The following ARMH3 variants were observed in gnomAD, a reference collection of about 807,000 sequenced individuals.
ARMH3 encodes the protein armadillo like helical domain containing 3.
Under a neutral mutation model 99.1 loss-of-function variants are expected in ARMH3, and 60 were observed. The ratio of observed to expected loss-of-function variants is 0.61; its 90% CI spans 0.49 to 0.75. ARMH3 has a LOEUF of 0.75. Among genes scored for constraint, ARMH3 ranks in the 30% least tolerant of loss-of-function variants. ARMH3 has a pLI of 0.00. For synonymous variants in ARMH3, 285 were observed against 292.8 expected (o/e 0.97, Z 0.27); for missense variants, 679 against 843.1 (o/e 0.81, Z 2.41).
intron 20 of ARMH3, among the ~76,000 whole-genome samples, chr10:101,964,857 A>AG (rs1346103036): frequency 6.6e-6 from 1 of 151,810 alleles, no homozygotes; most frequent in Non-Finnish European, 1.5e-5. Context: ...AAAAAAAAAA[A>AG]AAAAAATTAG....
chr10:102,034,933 A>T (rs2067214602), intron 2 of ARMH3, among the ~76,000 whole-genome samples: 1 of 151,998 alleles, frequency 6.6e-6, no homozygotes, highest in South Asian at 2.1e-4. Context: ...ATAAATAAAA[A>T]ATAAAAATAA....
chr10:101,891,553 A>G, intron 23 of ARMH3, among the ~76,000 whole-genome samples: 1 of 152,188 alleles, frequency 6.6e-6, no homozygotes, highest in East Asian at 1.9e-4. Context: ...AATTGTCACA[A>G]ATCACTGGGG....
intron 24 of ARMH3, among the ~76,000 whole-genome samples, chr10:101,875,283 A>T (rs2067233717): frequency 1.3e-5 from 2 of 151,978 alleles, no homozygotes; most frequent in South Asian, 4.2e-4. Flanking sequence ...GAACTGTAAC[A>T]AAACCACAGA....
chr10:101,948,110 T>C (rs187594676), intron 22 of ARMH3, among the ~76,000 whole-genome samples: 32 of 152,262 alleles, frequency 2.1e-4, no homozygotes, highest in African/African-American at 7.2e-4. Context: ...ATTATCGCAT[T>C]GTAAATATGT....
intron 23 of ARMH3, among the ~76,000 whole-genome samples, chr10:101,923,430 T>C (rs1327756743): frequency 6.6e-6 from 1 of 152,202 alleles, no homozygotes; most frequent in Non-Finnish European, 1.5e-5. Flanking sequence ...TTATCACACC[T>C]TCTTTAAGAA....
chr10:102,041,090 A>AATATATATAT (rs59124276), intron 1 of ARMH3, among the ~76,000 whole-genome samples: 96 of 132,428 alleles, frequency 7.2e-4, no homozygotes, highest in East Asian at 1.0e-3. Flanking sequence ...ATATATATAT[A>AATATATATAT]ATATATATAT....
At chr10:101,932,846 T>C (rs1373208174) in intron 23 of ARMH3, among the ~76,000 whole-genome samples, 1 of 152,226 alleles carries the variant, frequency 6.6e-6, no homozygotes, top group Non-Finnish European at 1.5e-5. Context: ...TTGGTGATGG[T>C]TGTGCAACAA....
rs188074099 is a variant in ARMH3 at position 101,892,274 on chromosome 10, G to A, written c.1782-2784C>T. Among the ~76,000 whole-genome samples, 33 of 151,892 alleles carry A rather than the reference G, an allele frequency of 2.2e-4. 1 individual carries two copies. The highest frequency in any genetic ancestry group is 6.3e-4 in the African/African-American group (26 of 41,428). ...AGCCTGAGCAACATGGTGAGACCTT[G>A]TCTCTACAAAATAAAAATAATAATA... On this transcript the variant is annotated intron_variant, in intron 23 of 25. Transcript: ENST00000370033.
chr10:101,974,882 G>A (rs540349511), intron 20 of ARMH3, among the ~76,000 whole-genome samples: 3 of 151,650 alleles, frequency 2.0e-5, no homozygotes, highest in African/African-American at 4.8e-5. Context: ...AGTTTGTACC[G>A]ACTCCTCCTA....
intron 1 of ARMH3, among the ~76,000 whole-genome samples, chr10:102,050,538 T>C (rs2067675590): frequency 6.6e-6 from 1 of 152,052 alleles, no homozygotes; most frequent in East Asian, 1.9e-4. Flanking sequence ...CAAACTGACA[T>C]CCATAATATC....
chr10:101,987,975 T>A (rs1313497217), intron 19 of ARMH3, among the ~76,000 whole-genome samples: 1 of 152,244 alleles, frequency 6.6e-6, no homozygotes, highest in East Asian at 1.9e-4. Flanking sequence ...GTTAATGTGA[T>A]CCTCAAGTAT....
intron 19 of ARMH3, among the ~76,000 whole-genome samples, chr10:101,987,518 G>A (rs1305355195): frequency 6.6e-6 from 1 of 152,212 alleles, no homozygotes; most frequent in African/African-American, 2.4e-5. Flanking sequence ...CTTACTAGCT[G>A]TGCAACTGTG....
intron 20 of ARMH3, among the ~76,000 whole-genome samples, chr10:101,967,730 C>CA (rs1443241807): frequency 6.6e-6 from 1 of 152,126 alleles, no homozygotes; most frequent in Non-Finnish European, 1.5e-5. Flanking sequence ...GAGCAAGACT[C>CA]AGTCGTGGGG....
chr10:101,987,302 C>A (rs555029620), intron 19 of ARMH3, among the ~76,000 whole-genome samples: 1 of 152,160 alleles, frequency 6.6e-6, no homozygotes, highest in Non-Finnish European at 1.5e-5. Context: ...TGGTCCCCTA[C>A]GTGGTATGTC....
chr10:101,930,103 T>C (rs1425765810), intron 23 of ARMH3, among the ~76,000 whole-genome samples: 2 of 152,066 alleles, frequency 1.3e-5, no homozygotes, highest in Non-Finnish European at 2.9e-5. Context: ...TCCTGCAAAA[T>C]ATAAAAATTA....
intron 1 of ARMH3, among the ~76,000 whole-genome samples, chr10:102,044,071 C>T (rs1251804212): frequency 6.6e-6 from 1 of 150,934 alleles, no homozygotes; most frequent in Admixed American, 6.6e-5. Context: ...TGTGTGCCAC[C>T]ACACCCAGCT....
chr10:101,986,227 T>A (rs1846494470), intron 19 of ARMH3, among the ~76,000 whole-genome samples: 1 of 152,162 alleles, frequency 6.6e-6, no homozygotes. Flanking sequence ...TTTCTTCTGA[T>A]GCCTACCTAC....
rs572403139 is a variant in ARMH3 at position 101,847,444 on chromosome 10, G to A, written c.*84C>T. 4 of 1,383,536 alleles carry A rather than the reference G, an allele frequency of 2.9e-6. No individual in the cohort carries two copies. In the African/African-American group the frequency reaches 4.3e-5, roughly 15 times the overall value. 85.7% of individuals were successfully genotyped at this position (1,383,536 alleles called of 1,614,324 possible). Reference sequence around the variant, plus strand: ...TCTGTGTTTCTCTCCAACCTCGGGGGCAGCCCCCTCTCCCCTCGCTCCCCC... The same window carrying A: ...TCTGTGTTTCTCTCCAACCTCGGGGACAGCCCCCTCTCCCCTCGCTCCCCC... On this transcript the variant is annotated 3_prime_UTR_variant, in exon 26 of 26. Coordinates refer to ENST00000370033, the MANE Select transcript of ARMH3 (RefSeq NM_024541.3).
intron 23 of ARMH3, chr10:101,889,709 A>C (rs1200245525): frequency 9.4e-6 from 5 of 531,346 alleles, no homozygotes; most frequent in Non-Finnish European, 1.7e-5. Context: ...AATAGAATCA[A>C]GCATCTCTGC....
Sources: gnomAD v4.1 joint callset for allele counts (sites outside exome capture counted in the v4.1 genomes callset) on GRCh38, gnomAD v4.1.1 for gene constraint, MANE v1.5 for transcripts, NCBI Gene and HGNC (gene_info 2026-07-23, HGNC 2026-07-21) for gene names.